The following MYO16 variants were observed in gnomAD, a reference collection of about 807,000 sequenced individuals.
The protein encoded by MYO16 is myosin XVI.
In MYO16, 94 loss-of-function variants were observed where a neutral mutation model predicts 205.3. The observed-to-expected ratio is 0.46, with a 90% CI of 0.39 to 0.54. The LOEUF is 0.54. MYO16 is among the 20% of genes least tolerant of loss of function. The probability of loss-of-function intolerance (pLI) is 0.00; values close to 1 mark genes in which losing one functional copy is unlikely to be tolerated. For missense variants in MYO16, 2,315 were observed against 2,387.5 expected (o/e 0.97, Z 0.63); for synonymous variants, 988 against 954.0 (o/e 1.04, Z -0.66).
rs750096640 is a variant in MYO16 at position 108,964,865 on chromosome 13, A to G, written c.2332A>G (p.Met778Val). 9.9e-6 allele frequency: 16 copies of G among 1,613,996 alleles called. No homozygotes were observed. Among genetic ancestry groups the G allele is most frequent in the South Asian group, 6.6e-5 (6 of 91,084 alleles). Residue 778 changes from methionine to valine, a missense_variant, in exon 20 of 35, where the codon ATG becomes GTG. Coordinates refer to ENST00000457511, the MANE Select transcript of MYO16 (RefSeq NM_001198950.3). ...SRLFSFLVNT[M>V]NSCLHSQDEQ... ...TTTGTTTAGCTTTTTGGTGAATACC[A>G]TGAATTCTTGCCTCCACAGTCAAGA...
intron 23 of MYO16, among the ~76,000 whole-genome samples, chr13:109,041,359 A>G (rs1241665212): frequency 7.2e-5 from 11 of 152,250 alleles, no homozygotes; most frequent in Admixed American, 7.2e-4. Context: ...TATAGATATA[A>G]AGGTATAGAT....
At chr13:108,702,042 G>T (rs1883329577) in intron 2 of MYO16, among the ~76,000 whole-genome samples, 1 of 152,036 alleles carries the variant, frequency 6.6e-6, no homozygotes, top group African/African-American at 2.4e-5. Context: ...AGAAAAATGA[G>T]CACAGCCTAA....
intron 12 of MYO16, among the ~76,000 whole-genome samples, chr13:108,873,223 GA>G (rs1036234060): frequency 2.0e-5 from 3 of 151,664 alleles, no homozygotes; most frequent in African/African-American, 4.8e-5. Flanking sequence ...TACTTTACAA[GA>G]AAAAAATAAA....
intron 2 of MYO16, among the ~76,000 whole-genome samples, chr13:108,706,954 C>A (rs1883532788): frequency 6.6e-6 from 1 of 152,158 alleles, no homozygotes; most frequent in African/African-American, 2.4e-5. Context: ...GGCCCAAATT[C>A]CCTTGCCAAG....
At chr13:108,852,528 A>G (rs1181509942) in intron 10 of MYO16, among the ~76,000 whole-genome samples, 1 of 152,226 alleles carries the variant, frequency 6.6e-6, no homozygotes, top group African/African-American at 2.4e-5. Context: ...TTTTAAAAAA[A>G]TGTTATTCAG....
the MYO16 span, among the ~76,000 whole-genome samples, chr13:108,552,071 T>C: frequency 6.6e-6 from 1 of 152,074 alleles, no homozygotes; most frequent in African/African-American, 2.4e-5. Flanking sequence ...GATGATGATA[T>C]GGTTATGAGG....
chr13:108,556,575 C>T, the MYO16 span, among the ~76,000 whole-genome samples: 5 of 152,054 alleles, frequency 3.3e-5, no homozygotes, highest in African/African-American at 1.2e-4. Context: ...TCTCCCATTC[C>T]ATAGGTTGTC....
At chr13:108,661,190 G>A (rs910872526) in intron 1 of MYO16, among the ~76,000 whole-genome samples, 1 of 152,078 alleles carries the variant, frequency 6.6e-6, no homozygotes, top group African/African-American at 2.4e-5. Context: ...AGGTTACCTG[G>A]TGCTTCTGTC....
At chr13:109,045,035 T>G (rs1384293882) in intron 23 of MYO16, among the ~76,000 whole-genome samples, 1 of 152,200 alleles carries the variant, frequency 6.6e-6, no homozygotes, top group Non-Finnish European at 1.5e-5. Flanking sequence ...AGTGTGGTAA[T>G]GCATTTTTAC....
chr13:109,034,865 T>C (rs1371712725), intron 23 of MYO16, among the ~76,000 whole-genome samples: 1 of 152,206 alleles, frequency 6.6e-6, no homozygotes, highest in Non-Finnish European at 1.5e-5. Flanking sequence ...ATTATGCTAA[T>C]CGATAAAATC....
chr13:109,148,784 G>T (rs191122640), intron 32 of MYO16, among the ~76,000 whole-genome samples: 10 of 152,310 alleles, frequency 6.6e-5, no homozygotes, highest in Admixed American at 3.9e-4. Context: ...GAAGAAAGAG[G>T]TAAATGCCTG....
intron 27 of MYO16, among the ~76,000 whole-genome samples, chr13:109,093,146 T>C (rs1398562549): frequency 1.3e-5 from 2 of 152,216 alleles, no homozygotes; most frequent in African/African-American, 4.8e-5. Flanking sequence ...CATTTAACTA[T>C]GATAGAACTT....
the MYO16 span, among the ~76,000 whole-genome samples, chr13:108,552,454 G>A: frequency 3.5e-3 from 524 of 151,830 alleles, no homozygotes; most frequent in African/African-American, 0.012. Flanking sequence ...CTCTCTTCTC[G>A]GCTCTGCCTG....
Position 108,945,344 on chromosome 13 carries a change from A to T in MYO16, c.1926-12344A>T, listed in dbSNP as rs549620584. 5.3e-5 allele frequency among the ~76,000 whole-genome samples: 8 copies of T among 152,332 alleles called. No individual in the cohort carries two copies. In the South Asian group the frequency reaches 1.7e-3, roughly 32 times the overall value. The stretch of plus-strand genomic sequence containing the variant: ...GAAGTGATTGTGACCTGAAAGCACA[A>T]TTCATGGCCAGGGACCACTTATTTG... On this transcript the variant is annotated intron_variant, in intron 16 of 34. Transcript: ENST00000457511.
At chr13:108,663,332 C>A (rs1027426842) in intron 1 of MYO16, among the ~76,000 whole-genome samples, 1 of 151,578 alleles carries the variant, frequency 6.6e-6, no homozygotes, top group African/African-American at 2.4e-5. Context: ...TTGAGATCAA[C>A]TGGTCATATT....
the MYO16 span, among the ~76,000 whole-genome samples, chr13:108,588,696 A>G: frequency 6.6e-6 from 1 of 152,154 alleles, no homozygotes; most frequent in Non-Finnish European, 1.5e-5. Flanking sequence ...GGTGAATTGG[A>G]TATGAAAGAA....
intron 11 of MYO16, among the ~76,000 whole-genome samples, chr13:108,860,255 C>A (rs1369644624): frequency 1.4e-5 from 2 of 146,456 alleles, no homozygotes; most frequent in African/African-American, 2.4e-5. Context: ...ATAAGGAGAA[C>A]ATGAGTTTGG....
intron 4 of MYO16, among the ~76,000 whole-genome samples, chr13:108,761,426 G>A (rs1008427799): frequency 1.3e-5 from 2 of 152,064 alleles, no homozygotes; most frequent in Non-Finnish European, 2.9e-5. Context: ...TAAAAGCTGA[G>A]AAAACTTATT....
At chr13:108,887,824 A>G (rs1317154635) in intron 13 of MYO16, among the ~76,000 whole-genome samples, 4 of 152,334 alleles carry the variant, frequency 2.6e-5, no homozygotes, top group African/African-American at 9.6e-5. Context: ...AGAACAGAGA[A>G]GGAATGCTCA....
Sources: gnomAD v4.1 joint callset for allele counts (sites outside exome capture counted in the v4.1 genomes callset) on GRCh38, gnomAD v4.1.1 for gene constraint, MANE v1.5 for transcripts, NCBI Gene and HGNC (gene_info 2026-07-23, HGNC 2026-07-21) for gene names.